Variants in ZIM2 observed in about 807,000 individuals in gnomAD.
ZIM2 encodes zinc finger protein 656.
Under a neutral mutation model 38.6 loss-of-function variants are expected in ZIM2, and 14 were observed. The observed-to-expected ratio is 0.36, with a 90% CI of 0.24 to 0.57. ZIM2 has a LOEUF of 0.57. ZIM2 is among the 20% of genes least tolerant of loss of function. The pLI is 0.81. For synonymous variants in ZIM2, 247 were observed against 245.8 expected (o/e 1.00, Z -0.04); for missense variants, 680 against 695.1 (o/e 0.98, Z 0.24).
At chr19:56,793,090 A>C (rs1022961377) in intron 9 of ZIM2, 3 of 152,500 alleles carry the variant, frequency 2.0e-5, no homozygotes, top group Admixed American at 6.6e-5. Context: ...CCATGTCTGA[A>C]TCTCCTCTGG....
intron 8 of ZIM2, 93 bp from the exon 9 acceptor site, chr19:56,817,931 A>G (rs903407954): frequency 6.3e-6 from 6 of 947,164 alleles, no homozygotes; most frequent in Non-Finnish European, 8.2e-6. Flanking sequence ...GAGCCACTAA[A>G]TATGAGGTGG....
At position 56,814,596 on chromosome 19, in the gene ZIM2, A is replaced by G; in HGVS notation, c.490+3150T>C. Reference sequence around the variant, plus strand: ...AAGATTCTCCACAGACTGCACATTCAAAGAGTCTCTCTTCGGTCTGACTTC... The same window carrying G: ...AAGATTCTCCACAGACTGCACATTCGAAGAGTCTCTCTTCGGTCTGACTTC... On this transcript the variant is annotated intron_variant, in intron 9 of 12. Transcript: ENST00000629319. The surrounding 1 kb of genome is among the most constrained non-coding windows in gnomAD (Gnocchi z 5.8). 6.2e-7 allele frequency: 1 copy of G among 1,614,080 alleles called. No homozygotes were observed. The highest frequency in any genetic ancestry group is 8.5e-7 in the Non-Finnish European group (1 of 1,179,972).
rs1211201266 is a variant in ZIM2, at chr19:56,814,179, C to T, written c.490+3567G>A. 2 of 1,614,158 alleles carry T rather than the reference C, an allele frequency of 1.2e-6. No individual in the cohort carries two copies. The highest frequency in any genetic ancestry group is 1.7e-5 in the Admixed American group (1 of 60,022). On this transcript the variant is annotated intron_variant, in intron 9 of 12. Transcript: ENST00000629319. The surrounding 1 kb of genome is among the most constrained non-coding windows in gnomAD (Gnocchi z 5.8). The stretch of plus-strand genomic sequence containing the variant: ...CAGCCTCTCCATCTGGCCCTTCAGC[C>T]TCTCCGTTTGGCTCAGCAGCCTCCA...
intron 10 of ZIM2, among the ~76,000 whole-genome samples, chr19:56,786,727 T>G (rs1437601994): frequency 6.6e-6 from 1 of 152,198 alleles, no homozygotes; most frequent in Admixed American, 6.6e-5. Flanking sequence ...TTTAAATCTT[T>G]GACAATTTCA....
chr19:56,781,888 C>A, intron 11 of ZIM2, 65 bp downstream of exon 11: 1 of 1,562,288 alleles, frequency 6.4e-7, no homozygotes, highest in South Asian at 1.2e-5. Flanking sequence ...TGAGAGGACA[C>A]GAAGGAGTTG....
At chr19:56,831,859 T>C (rs928926207) in intron 2 of ZIM2, among the ~76,000 whole-genome samples, 2 of 152,230 alleles carry the variant, frequency 1.3e-5, no homozygotes, top group African/African-American at 4.8e-5. Context: ...ACTGCAAATA[T>C]TCCCATTTAC....
intron 9 of ZIM2, among the ~76,000 whole-genome samples, chr19:56,792,530 CA>C (rs1215431208): frequency 0.094 from 1,971 of 20,944 alleles, 7 homozygotes; most frequent in African/African-American, 0.21. Flanking sequence ...GACTCTGTCT[CA>C]AAAAAAAAAA....
Position 56,814,453 on chromosome 19 carries a change from G to C in ZIM2, c.490+3293C>G. 1 of 1,613,682 alleles carries C rather than the reference G, an allele frequency of 6.2e-7. No homozygotes were observed. Among genetic ancestry groups the C allele is most frequent in the Non-Finnish European group, 8.5e-7 (1 of 1,179,594 alleles). On this transcript the variant is annotated intron_variant, in intron 9 of 12. Transcript: ENST00000629319. The surrounding 1 kb of genome is among the most constrained non-coding windows in gnomAD (Gnocchi z 5.8). ...ACCACAATCCTTGCATTCATAGAATGGTATAGCTCCTTTGAGGGGCTCAGT... is the reference window on the plus strand; with the variant it reads ...ACCACAATCCTTGCATTCATAGAATCGTATAGCTCCTTTGAGGGGCTCAGT...
intron 9 of ZIM2, chr19:56,815,187 T>C: frequency 1.2e-6 from 2 of 1,614,036 alleles, no homozygotes; most frequent in Non-Finnish European, 1.7e-6. Flanking sequence ...TGACAGGGTC[T>C]TCAATTGTCT....
Position 56,823,686 on chromosome 19 carries a change from G to C in ZIM2, c.17-7C>G. The C allele has an allele frequency of 6.2e-7, 1 of 1,614,108 alleles. No individual in the cohort carries two copies. Among genetic ancestry groups the C allele is most frequent in the Non-Finnish European group, 8.5e-7 (1 of 1,179,990 alleles). The stretch of plus-strand genomic sequence containing the variant: ...ACGTCACTGTTGTTGTCGTCTAAGA[G>C]GACACCGGTCGCCAAGTTACTATCT... On this transcript the variant is annotated splice_region_variant and splice_polypyrimidine_tract_variant and intron_variant, in intron 4 of 12. Coordinates refer to ENST00000629319, the MANE Select transcript of ZIM2 (RefSeq NM_001387356.1).
At chr19:56,780,245 CTTTTTTTTT>C (rs66492427) in intron 11 of ZIM2, among the ~76,000 whole-genome samples, 1 of 129,360 alleles carries the variant, frequency 7.7e-6, no homozygotes, top group African/African-American at 2.8e-5. Context: ...TTTCTTTTTT[CTTTTTTTTT>C]TTTTTTGAGA....
At chr19:56,776,222 T>C (rs1001011567) in intron 12 of ZIM2, among the ~76,000 whole-genome samples, 1 of 151,784 alleles carries the variant, frequency 6.6e-6, no homozygotes, top group Admixed American at 6.6e-5. Flanking sequence ...CAGAGTAGAA[T>C]GAGCAGAAAT....
chr19:56,804,733 C>A (rs1235000881), intron 9 of ZIM2, among the ~76,000 whole-genome samples: 1 of 152,158 alleles, frequency 6.6e-6, no homozygotes, highest in East Asian at 1.9e-4. Flanking sequence ...GTGGAAATTT[C>A]CAATCAGTTA....
chr19:56,817,297 A>C, intron 9 of ZIM2: 1 of 1,614,150 alleles, frequency 6.2e-7, no homozygotes, highest in Non-Finnish European at 8.5e-7. Context: ...CTTTCTGGAA[A>C]CAAGGGTTGA....
At chr19:56,809,330 T>G (rs1034279227) in intron 9 of ZIM2, among the ~76,000 whole-genome samples, 2 of 152,186 alleles carry the variant, frequency 1.3e-5, no homozygotes, top group African/African-American at 4.8e-5. Flanking sequence ...TACACTTTTA[T>G]ATCTTAAGAA....
At chr19:56,823,517 A>T (rs1007876482) in intron 5 of ZIM2, 73 bp downstream of exon 5, 1 of 1,582,196 alleles carries the variant, frequency 6.3e-7, no homozygotes, top group African/African-American at 1.3e-5. Flanking sequence ...TGGAGGCCCC[A>T]ACCCACTGTG....
chr19:56,822,959 A>G (rs1310825541), intron 5 of ZIM2, 123 bp from the exon 6 acceptor site: 2 of 1,288,818 alleles, frequency 1.6e-6, no homozygotes, highest in Non-Finnish European at 1.1e-6. Context: ...ATGGATCCAA[A>G]ACAGAGAGCT....
In ZIM2 at chr19:56,834,442, G is replaced by T. The variant is rs1326357553; in HGVS notation, c.-227+1576C>A. Among the ~76,000 whole-genome samples the T allele has an allele frequency of 3.9e-5, 6 of 152,270 alleles. No individual in the cohort carries two copies. In the East Asian group the frequency reaches 1.2e-3, roughly 29 times the overall value. On this transcript the variant is annotated intron_variant, in intron 2 of 12. Coordinates refer to ENST00000629319, the MANE Select transcript of ZIM2 (RefSeq NM_001387356.1). ...ACCAAGCAACCTTCTCATTATGGTT[G>T]TGTTTCCCATGTAGGTCTGCCTACA...
chr19:56,840,075 TGGCACCCCGCAGGAAGG>T (rs1343323157), intron 1 of ZIM2, among the ~76,000 whole-genome samples: 1 of 152,200 alleles, frequency 6.6e-6, no homozygotes. Flanking sequence ...GCGAGGCCGA[TGGCACCCCGCAGGAAGG>T]GGCATTTTCG....
Sources: gnomAD v4.1 joint callset for allele counts (sites outside exome capture counted in the v4.1 genomes callset) on GRCh38, gnomAD v4.1.1 for gene constraint, Gnocchi (gnomAD v3.1) non-coding constraint, MANE v1.5 for transcripts, NCBI Gene and HGNC (gene_info 2026-07-23, HGNC 2026-07-21) for gene names.